VAT1L: variants seen among roughly 807,000 people sequenced by gnomAD.
The protein encoded by VAT1L is putative NADPH-dependent quinone oxidoreductase VAT1L.
Under a neutral mutation model 44.1 loss-of-function variants are expected in VAT1L, and 34 were observed. The ratio of observed to expected loss-of-function variants is 0.77; its 90% CI spans 0.59 to 1.03. The LOEUF is 1.03. Among genes scored for constraint, VAT1L ranks in the 50% least tolerant of loss-of-function variants. The pLI is 0.00. For missense variants in VAT1L, 615 were observed against 538.8 expected (o/e 1.14, Z -1.40); for synonymous variants, 253 against 202.2 (o/e 1.25, Z -2.13).
chr16:77,800,218 G>A (rs1567466964), intron 1 of VAT1L: 1 of 152,118 alleles, frequency 6.6e-6, no homozygotes. Context: ...CCCTAGCCTG[G>A]GAAATGTGGG....
chr16:77,938,162 C>G (rs1268309688), intron 7 of VAT1L, among the ~76,000 whole-genome samples: 1 of 152,120 alleles, frequency 6.6e-6, no homozygotes, highest in Non-Finnish European at 1.5e-5. Flanking sequence ...GGGATGGGCC[C>G]CAGAGTTTTC....
intron 7 of VAT1L, among the ~76,000 whole-genome samples, chr16:77,955,493 G>A (rs2018092521): frequency 6.6e-6 from 1 of 152,226 alleles, no homozygotes; most frequent in African/African-American, 2.4e-5. Flanking sequence ...GGGACGCCAA[G>A]GCGGGAAGAT....
intron 7 of VAT1L, among the ~76,000 whole-genome samples, chr16:77,937,208 G>A (rs2017810728): frequency 6.6e-6 from 1 of 152,172 alleles, no homozygotes; most frequent in South Asian, 2.1e-4. Context: ...GAGCCCACCT[G>A]GGAGTAGCCC....
At chr16:77,833,857 C>T (rs2016609663) in intron 3 of VAT1L, among the ~76,000 whole-genome samples, 1 of 152,022 alleles carries the variant, frequency 6.6e-6, no homozygotes, top group Admixed American at 6.6e-5. Context: ...TTTCATGAGA[C>T]GTGGAATGGG....
At chr16:77,975,219 T>C (rs1372470620) in intron 8 of VAT1L, among the ~76,000 whole-genome samples, 2 of 129,972 alleles carry the variant, frequency 1.5e-5, no homozygotes, top group African/African-American at 5.6e-5. Context: ...TTTTTTTTTT[T>C]TTTTTTTTTA....
At chr16:77,924,826 A>G (rs970890040) in intron 7 of VAT1L, among the ~76,000 whole-genome samples, 2 of 152,240 alleles carry the variant, frequency 1.3e-5, no homozygotes, top group African/African-American at 4.8e-5. Context: ...CCCTCTGTCT[A>G]GCAGGGTAAT....
At chr16:77,846,060 G>A (rs955181137) in intron 3 of VAT1L, among the ~76,000 whole-genome samples, 1 of 152,166 alleles carries the variant, frequency 6.6e-6, no homozygotes, top group African/African-American at 2.4e-5. Flanking sequence ...CACAGGGTCT[G>A]GGATGGAGTG....
rs776165294 is a variant in VAT1L, at chr16:77,979,249, T to C, written c.*1554T>C. ...TACTTATCTGAAGAGTTTCTCCTCA[T>C]TGTGAATGTGTATGTAAAATATGAA... On this transcript the variant is annotated 3_prime_UTR_variant, in exon 9 of 9. Transcript: ENST00000302536. 3 of 152,564 alleles carry C rather than the reference T, an allele frequency of 2.0e-5. No homozygotes were observed. Among genetic ancestry groups the C allele is most frequent in the African/African-American group, 7.2e-5 (3 of 41,424 alleles). 9.5% of individuals were successfully genotyped at this position (152,564 alleles called of 1,614,324 possible).
intron 7 of VAT1L, among the ~76,000 whole-genome samples, chr16:77,930,560 G>C (rs983747322): frequency 2.0e-5 from 3 of 152,154 alleles, no homozygotes; most frequent in African/African-American, 7.2e-5. Flanking sequence ...TTCTTGACAG[G>C]TTCCAGGGCC....
At chr16:77,959,364 T>C (rs2142532917) in intron 7 of VAT1L, among the ~76,000 whole-genome samples, 2 of 152,360 alleles carry the variant, frequency 1.3e-5, no homozygotes, top group Middle Eastern at 6.8e-3. Context: ...TCAAGCCTAC[T>C]TGCAATGAAC....
chr16:77,900,962 A>G (rs1026459138), intron 7 of VAT1L, among the ~76,000 whole-genome samples: 2 of 152,092 alleles, frequency 1.3e-5, no homozygotes, highest in East Asian at 3.9e-4. Flanking sequence ...TGCAAGAGGC[A>G]TTTGCTTTGG....
intron 1 of VAT1L, among the ~76,000 whole-genome samples, chr16:77,790,976 G>A (rs139937036): frequency 3.3e-5 from 5 of 152,252 alleles, no homozygotes; most frequent in Non-Finnish European, 5.9e-5. Context: ...GCACTTCCCC[G>A]ACCCTAGTTG....
chr16:77,889,432 A>C (rs1254293531), intron 7 of VAT1L, among the ~76,000 whole-genome samples: 3 of 152,198 alleles, frequency 2.0e-5, no homozygotes, highest in Non-Finnish European at 4.4e-5. Flanking sequence ...AGAAATAAAA[A>C]ATACTTGCAT....
intron 3 of VAT1L, among the ~76,000 whole-genome samples, chr16:77,825,739 G>A (rs543791556): frequency 7.2e-5 from 11 of 151,996 alleles, no homozygotes; most frequent in South Asian, 2.1e-4. Flanking sequence ...TTCTCAGGCC[G>A]GGCGCCGTGA....
chr16:77,821,052 C>T (rs932133242), intron 2 of VAT1L, among the ~76,000 whole-genome samples: 1 of 152,130 alleles, frequency 6.6e-6, no homozygotes, highest in South Asian at 2.1e-4. Flanking sequence ...TCTCCCATTT[C>T]CCACCCATGG....
intron 6 of VAT1L, among the ~76,000 whole-genome samples, chr16:77,880,589 G>A (rs1299524833): frequency 1.2e-4 from 2 of 16,394 alleles, no homozygotes; most frequent in South Asian, 1.7e-3. Context: ...ACGTTCCAGG[G>A]TATTTTTTTT....
chr16:77,791,526 T>C (rs1344542704), intron 1 of VAT1L, among the ~76,000 whole-genome samples: 1 of 152,186 alleles, frequency 6.6e-6, no homozygotes, highest in Non-Finnish European at 1.5e-5. Context: ...TTGGAAACAT[T>C]GAGTAATTTG....
intron 7 of VAT1L, among the ~76,000 whole-genome samples, chr16:77,902,095 T>G (rs1597090564): frequency 6.6e-6 from 1 of 152,354 alleles, no homozygotes; most frequent in East Asian, 1.9e-4. Flanking sequence ...TTTAAAAATC[T>G]AAACTTTTTG....
rs549433492 is a variant in VAT1L at position 77,914,900 on chromosome 16, C to T, written c.1077+30098C>T. Among the ~76,000 whole-genome samples, 55 of 152,222 alleles carry T rather than the reference C, an allele frequency of 3.6e-4. No individual in the cohort carries two copies. In the South Asian group the frequency reaches 0.011, roughly 31 times the overall value. On this transcript the variant is annotated intron_variant, in intron 7 of 8. Transcript: ENST00000302536. The stretch of plus-strand genomic sequence containing the variant: ...CAGCACTTTGGGAGACTAAGGCAGG[C>T]GGATCACCTGAGGTCGGGAGTTCGA...
Sources: gnomAD v4.1 joint callset for allele counts (sites outside exome capture counted in the v4.1 genomes callset) on GRCh38, gnomAD v4.1.1 for gene constraint, MANE v1.5 for transcripts, NCBI Gene and HGNC (gene_info 2026-07-23, HGNC 2026-07-21) for gene names.